Variants in NFYC observed in about 807,000 individuals in gnomAD.
NFYC encodes CAAT box DNA-binding protein subunit C.
In NFYC, 25 loss-of-function variants were observed where a neutral mutation model predicts 53.1. The observed-to-expected ratio is 0.47, with a 90% CI of 0.34 to 0.66. The LOEUF (loss-of-function observed/expected upper bound fraction) is 0.66, where lower values mean the gene tolerates loss of function less well. Ranked by LOEUF, NFYC falls within the 30% of genes least tolerant of loss-of-function variation. The pLI is 0.01. For synonymous variants in NFYC, 145 were observed against 152.6 expected (o/e 0.95, Z 0.37); for missense variants, 260 against 422.7 (o/e 0.62, Z 3.38).
At chr1:40,741,304 A>T (rs1645328941) in intron 2 of NFYC, among the ~76,000 whole-genome samples, 1 of 152,142 alleles carries the variant, frequency 6.6e-6, no homozygotes, top group African/African-American at 2.4e-5. Flanking sequence ...ATTATGAGAT[A>T]CTCAACACTT....
chr1:40,724,970 T>C (rs1476255761), intron 1 of NFYC, among the ~76,000 whole-genome samples: 1 of 152,182 alleles, frequency 6.6e-6, no homozygotes, highest in Non-Finnish European at 1.5e-5. Flanking sequence ...AACACAGATA[T>C]ACCTTCAAAC....
intron 9 of NFYC, 141 bp downstream of exon 9, chr1:40,769,556 G>T: frequency 1.4e-6 from 1 of 712,620 alleles, no homozygotes; most frequent in African/African-American, 1.8e-5. Flanking sequence ...AACAAGTACG[G>T]TATTTAAATC....
chr1:40,750,573 C>T (rs566684163), intron 4 of NFYC, among the ~76,000 whole-genome samples: 4 of 147,824 alleles, frequency 2.7e-5, no homozygotes, highest in Non-Finnish European at 6.0e-5. Context: ...GTGTACATTA[C>T]TATATGAAAG....
intron 1 of NFYC, among the ~76,000 whole-genome samples, chr1:40,718,897 G>A (rs923532325): frequency 6.6e-6 from 1 of 152,138 alleles, no homozygotes; most frequent in African/African-American, 2.4e-5. Flanking sequence ...TTTTGAGACG[G>A]AGTCTTGCTC....
intron 4 of NFYC, among the ~76,000 whole-genome samples, chr1:40,751,481 T>C (rs1645908936): frequency 6.6e-6 from 1 of 152,092 alleles, no homozygotes; most frequent in African/African-American, 2.4e-5. Flanking sequence ...TCACAGCTCA[T>C]TGCAGCCTCG....
chr1:40,728,892 C>T (rs1282001137), intron 1 of NFYC, among the ~76,000 whole-genome samples: 2 of 152,204 alleles, frequency 1.3e-5, no homozygotes, highest in East Asian at 3.9e-4. Context: ...CCCGCCTTGG[C>T]CTCCCAAAGT....
At position 40,745,107 on chromosome 1, in the gene NFYC, T is replaced by C. The variant is rs572465547; in HGVS notation, c.106-2427T>C. ...AAATTTCTGCCTCATTTTACATCTCTGCAAGGCGGGAATGATCTCTTGATC... is the reference window on the plus strand; with the variant it reads ...AAATTTCTGCCTCATTTTACATCTCCGCAAGGCGGGAATGATCTCTTGATC... On this transcript the variant is annotated intron_variant, in intron 2 of 9. Coordinates refer to ENST00000447388, the MANE Select transcript of NFYC (RefSeq NM_014223.5). Among the ~76,000 whole-genome samples the C allele has an allele frequency of 2.6e-5, 4 of 152,330 alleles. No homozygotes were observed. The South Asian group carries it at 6.2e-4, about 24-fold the overall frequency.
chr1:40,759,301 G>A (rs1214198560), intron 6 of NFYC, among the ~76,000 whole-genome samples: 2 of 151,558 alleles, frequency 1.3e-5, no homozygotes, highest in African/African-American at 4.8e-5. Context: ...TTGGGAGGCC[G>A]AGGCAGGAGG....
At chr1:40,737,206 A>ACT (rs959212848) in intron 1 of NFYC, among the ~76,000 whole-genome samples, 2 of 151,808 alleles carry the variant, frequency 1.3e-5, no homozygotes, top group African/African-American at 4.8e-5. Flanking sequence ...GATAAGGGAT[A>ACT]CTCAACCTGT....
intron 4 of NFYC, among the ~76,000 whole-genome samples, chr1:40,750,086 C>G (rs1327122859): frequency 6.6e-6 from 1 of 152,152 alleles, no homozygotes; most frequent in East Asian, 1.9e-4. Flanking sequence ...TCATCAGTCT[C>G]ACTAGCTTCA....
chr1:40,751,485 A>G (rs1645909097), intron 4 of NFYC, among the ~76,000 whole-genome samples: 1 of 152,134 alleles, frequency 6.6e-6, no homozygotes, highest in African/African-American at 2.4e-5. Flanking sequence ...AGCTCATTGC[A>G]GCCTCGACCT....
chr1:40,727,253 T>G (rs1051344252), intron 1 of NFYC, among the ~76,000 whole-genome samples: 2 of 152,170 alleles, frequency 1.3e-5, no homozygotes, highest in African/African-American at 4.8e-5. Context: ...AGACAGGGTC[T>G]TACTCTGTTG....
chr1:40,771,091 T>C lies in NFYC; in HGVS notation c.*263T>C, dbSNP rs750226225. 1 of 519,370 alleles carries C rather than the reference T, an allele frequency of 1.9e-6. No individual in the cohort carries two copies. The highest frequency in any genetic ancestry group is 3.4e-6 in the Non-Finnish European group (1 of 293,452). 32.2% of individuals were successfully genotyped at this position (519,370 alleles called of 1,614,324 possible). ...GAGTGTGTGTCCAATGCTATGAAAT[T>C]AAAATATTAAATAACATATTTATGG... On this transcript the variant is annotated 3_prime_UTR_variant, in exon 10 of 10. Coordinates refer to ENST00000447388, the MANE Select transcript of NFYC (RefSeq NM_014223.5).
At chr1:40,755,121 C>T (rs1396033867) in intron 5 of NFYC, among the ~76,000 whole-genome samples, 1 of 152,210 alleles carries the variant, frequency 6.6e-6, no homozygotes, top group African/African-American at 2.4e-5. Context: ...AAAACCCACC[C>T]TTTCTGAAGG....
At chr1:40,769,163 G>A in intron 8 of NFYC, 193 bp from the exon 9 acceptor site, 3 of 604,530 alleles carry the variant, frequency 5.0e-6, no homozygotes, top group Non-Finnish European at 9.1e-6. Flanking sequence ...ATGTCACTTT[G>A]TGCTGCCAAC....
intron 2 of NFYC, among the ~76,000 whole-genome samples, chr1:40,746,955 A>AC (rs1341983645): frequency 6.6e-5 from 10 of 152,176 alleles, no homozygotes; most frequent in Admixed American, 6.5e-4. Context: ...AATTTTGGAG[A>AC]CAAGGCCATT....
Position 40,730,195 on chromosome 1 carries a change from CTTTTTTTTTTT to C in NFYC, c.-8-8629_-8-8619del, listed in dbSNP as rs34045698. ...GGACTGGCTAATTTTTCTTTCTTTT[CTTTTTTTTTTT>C]TTTTTTTTTTTGGTAGAGATAGGGG... On this transcript the variant is annotated intron_variant, in intron 1 of 9. Transcript: ENST00000447388. Among the ~76,000 whole-genome samples the C allele has an allele frequency of 3.3e-3, 336 of 102,008 alleles. 2 individuals are homozygous for C. The highest frequency in any genetic ancestry group is 0.011 in the Middle Eastern group (2 of 180). 66.9% of individuals were successfully genotyped at this position (102,008 alleles called of 152,430 possible).
At chr1:40,727,659 T>G (rs996104690) in intron 1 of NFYC, among the ~76,000 whole-genome samples, 1 of 151,572 alleles carries the variant, frequency 6.6e-6, no homozygotes, top group Non-Finnish European at 1.5e-5. Flanking sequence ...GCTTTCCAAG[T>G]AGCTGGGATT....
chr1:40,715,583 G>T (rs752136104), intron 1 of NFYC, among the ~76,000 whole-genome samples: 4 of 151,946 alleles, frequency 2.6e-5, no homozygotes, highest in Non-Finnish European at 4.4e-5. Context: ...CCATATGGGG[G>T]CCCACCTCTT....
Sources: allele counts gnomAD v4.1 joint callset (sites outside exome capture counted in the v4.1 genomes callset), GRCh38; gene constraint gnomAD v4.1.1; transcripts MANE v1.5; gene names NCBI Gene and HGNC (gene_info 2026-07-23, HGNC 2026-07-21).